The following ZC3HAV1 variants were observed in gnomAD, a reference collection of about 807,000 sequenced individuals.
ZC3HAV1 encodes the protein zinc finger CCCH-type antiviral protein 1.
In ZC3HAV1, 41 loss-of-function variants were observed where a neutral mutation model predicts 86.6. The ratio of observed to expected loss-of-function variants is 0.47; its 90% CI spans 0.37 to 0.61. ZC3HAV1 has a LOEUF of 0.61. Among genes scored for constraint, ZC3HAV1 ranks in the 20% least tolerant of loss-of-function variants. ZC3HAV1 has a pLI of 0.00. For missense variants in ZC3HAV1, 964 were observed against 1,141.1 expected (o/e 0.84, Z 2.24); for synonymous variants, 421 against 432.1 (o/e 0.97, Z 0.32).
chr7:139,101,490 C>A (rs1430053896), intron 1 of ZC3HAV1, among the ~76,000 whole-genome samples: 2 of 108,064 alleles, frequency 1.9e-5, no homozygotes, highest in African/African-American at 7.4e-5. Flanking sequence ...CTCAGCCCGG[C>A]CACCACCCCG....
intron 12 of ZC3HAV1, among the ~76,000 whole-genome samples, chr7:139,052,606 CAAA>C (rs35386659): frequency 0.18 from 11,494 of 64,942 alleles, 1,207 homozygotes; most frequent in African/African-American, 0.38. Flanking sequence ...ACTCTGTCTC[CAAA>C]AAAAAAAAAA....
intron 8 of ZC3HAV1, among the ~76,000 whole-genome samples, chr7:139,063,047 A>G (rs986277657): frequency 2.0e-5 from 3 of 150,048 alleles, no homozygotes; most frequent in Non-Finnish European, 4.4e-5. Context: ...AAAAAAAAAA[A>G]AAAAGAAAGA....
chr7:139,106,951 G>T (rs1052861218), intron 1 of ZC3HAV1, among the ~76,000 whole-genome samples: 1 of 140,882 alleles, frequency 7.1e-6, no homozygotes, highest in African/African-American at 2.6e-5. Flanking sequence ...GGGTACAAGG[G>T]GCTTCATCAT....
At chr7:139,053,633 G>C in intron 11 of ZC3HAV1, 52 bp from the exon 12 acceptor site, 5 of 1,514,216 alleles carry the variant, frequency 3.3e-6, no homozygotes, top group Non-Finnish European at 4.4e-6. Context: ...TCCCACTCCA[G>C]TTGATAACAT....
chr7:139,057,688 G>A lies in ZC3HAV1; in HGVS notation c.2097-2393C>T, dbSNP rs1400308750. Among the ~76,000 whole-genome samples, 21 of 79,080 alleles carry A rather than the reference G, an allele frequency of 2.7e-4. 9 individuals carry two copies. The highest frequency in any genetic ancestry group is 1.2e-3 in the South Asian group (3 of 2,406). The allele number at this position is 79,080 out of a possible 152,430, so 51.9% of individuals were successfully genotyped here. On this transcript the variant is annotated intron_variant, in intron 9 of 12. Transcript: ENST00000242351. The stretch of plus-strand genomic sequence containing the variant: ...CGAGTAGCTGGGACTACAGGCGCCC[G>A]CCACCACGCCCGGCTAATTTTTTTG...
At chr7:139,052,770 C>CA (rs1554439624) in intron 12 of ZC3HAV1, among the ~76,000 whole-genome samples, 1 of 150,130 alleles carries the variant, frequency 6.7e-6, no homozygotes, top group South Asian at 2.1e-4. Context: ...AAAAATACAA[C>CA]AAAAAAAAAT....
intron 1 of ZC3HAV1, among the ~76,000 whole-genome samples, chr7:139,090,637 C>T (rs1272741689): frequency 2.0e-5 from 3 of 152,056 alleles, no homozygotes; most frequent in Non-Finnish European, 4.4e-5. Flanking sequence ...TGAATATTAT[C>T]GGTTGCACTA....
At chr7:139,096,293 C>T (rs1246733260) in intron 1 of ZC3HAV1, among the ~76,000 whole-genome samples, 1 of 152,102 alleles carries the variant, frequency 6.6e-6, no homozygotes. Flanking sequence ...GGATTACAGG[C>T]GTGAGCCACC....
At chr7:139,084,098 G>C in intron 2 of ZC3HAV1, 66 bp from the exon 3 acceptor site, 1 of 1,575,490 alleles carries the variant, frequency 6.3e-7, no homozygotes, top group Non-Finnish European at 8.6e-7. Context: ...CATTCATTAA[G>C]GCAAGCTCAC....
At chr7:139,075,902 T>C (rs1004138598) in intron 6 of ZC3HAV1, among the ~76,000 whole-genome samples, 1 of 152,286 alleles carries the variant, frequency 6.6e-6, no homozygotes, top group African/African-American at 2.4e-5. Context: ...AAAGGCTCTT[T>C]TGTCCTAAAT....
intron 6 of ZC3HAV1, 129 bp from the exon 7 acceptor site, chr7:139,074,159 T>G: frequency 1.2e-6 from 1 of 840,370 alleles, no homozygotes; most frequent in South Asian, 1.9e-5. Flanking sequence ...TTTCTTTCCA[T>G]GGCTCCAGGT....
At chr7:139,091,315 T>A in intron 1 of ZC3HAV1, among the ~76,000 whole-genome samples, 1 of 152,202 alleles carries the variant, frequency 6.6e-6, no homozygotes, top group South Asian at 2.1e-4. Context: ...TGGCTAACAC[T>A]GTGAAACCAC....
At chr7:139,071,784 C>T (rs1257498096) in intron 7 of ZC3HAV1, among the ~76,000 whole-genome samples, 1 of 152,152 alleles carries the variant, frequency 6.6e-6, no homozygotes, top group Non-Finnish European at 1.5e-5. Context: ...ACCAGGGCAG[C>T]CCTGCTCTAC....
chr7:139,107,525 G>A (rs1817971154), intron 1 of ZC3HAV1, among the ~76,000 whole-genome samples: 2 of 152,162 alleles, frequency 1.3e-5, no homozygotes, highest in Admixed American at 6.5e-5. Flanking sequence ...CCGACTGGTC[G>A]GACTTGGTGG....
chr7:139,085,519 T>C (rs979106266), intron 2 of ZC3HAV1, among the ~76,000 whole-genome samples: 3 of 152,194 alleles, frequency 2.0e-5, no homozygotes, highest in Non-Finnish European at 4.4e-5. Flanking sequence ...TATTTTAACA[T>C]TGTGACTAAC....
chr7:139,068,023 CTTTATTATT>C (rs1816655631), intron 7 of ZC3HAV1, among the ~76,000 whole-genome samples: 1 of 137,134 alleles, frequency 7.3e-6, no homozygotes, highest in African/African-American at 2.7e-5. Flanking sequence ...CTCTTTCTTT[CTTTATTATT>C]ATTATTATTA....
rs767201014 is a variant in ZC3HAV1, at chr7:139,078,516, G to A, written c.1573+36C>T. On this transcript the variant is annotated intron_variant, in intron 5 of 12. Coordinates refer to ENST00000242351, the MANE Select transcript of ZC3HAV1 (RefSeq NM_020119.4). ...GCAGTGTTATTTACAATGGCCAAAA[G>A]GTGGAAGCTTACAGAAAAGTCCTTA... The A allele has an allele frequency of 6.0e-6, 9 of 1,505,376 alleles. No individual in the cohort carries two copies. The South Asian group carries it at 1.1e-4, about 18-fold the overall frequency. The allele number at this position is 1,505,376 out of a possible 1,614,324, so 93.3% of individuals were successfully genotyped here.
At chr7:139,053,660 C>G (rs995479010) in intron 11 of ZC3HAV1, 79 bp from the exon 12 acceptor site, 1 of 1,474,006 alleles carries the variant, frequency 6.8e-7, no homozygotes, top group East Asian at 2.4e-5. Context: ...CAGCTAAAGT[C>G]TAATCATCTA....
In ZC3HAV1 at chr7:139,079,987, A is replaced by G; in HGVS notation, c.954T>C (p.Leu318=). 6.2e-7 allele frequency: 1 copy of G among 1,614,104 alleles called. No individual in the cohort carries two copies. The highest frequency in any genetic ancestry group is 1.1e-5 in the South Asian group (1 of 91,074). ...PPSGSSKATD[L]GGTSQAGTSQ... The stretch of plus-strand genomic sequence containing the variant: ...TTGTCCCGGCCTGACTTGTTCCTCC[A>G]AGATCAGTAGCCTTGGACGAGCCTG... The change falls in exon 4 of 13, where the codon CTT becomes CTC. Residue 318 remains leucine, a synonymous_variant. Transcript: ENST00000242351.
Sources: gnomAD v4.1 joint callset for allele counts (sites outside exome capture counted in the v4.1 genomes callset) on GRCh38, gnomAD v4.1.1 for gene constraint, MANE v1.5 for transcripts, NCBI Gene and HGNC (gene_info 2026-07-23, HGNC 2026-07-21) for gene names.